Variants in PCDHGB7 observed in about 807,000 individuals in gnomAD.
PCDHGB7 encodes protocadherin gamma-B7.
In PCDHGB7, 37 loss-of-function variants were observed where a neutral mutation model predicts 61.4. The ratio of observed to expected loss-of-function variants is 0.60; its 90% confidence interval spans 0.46 to 0.79. PCDHGB7 has a LOEUF of 0.79. Among genes scored for constraint, PCDHGB7 ranks in the 30% least tolerant of loss-of-function variants. The pLI, the probability that PCDHGB7 is intolerant of heterozygous loss-of-function variation, is 0.00. For synonymous variants in PCDHGB7, 464 were observed against 503.5 expected, an observed-to-expected ratio of 0.92 and a Z score of 1.05; for missense variants, 1,166 against 1,202.5, an observed-to-expected ratio of 0.97 and a Z score of 0.45.
intron 3 of PCDHGB7, 46 bp downstream of exon 3, chr5:141,505,527 T>C: frequency 6.2e-7 from 1 of 1,612,388 alleles, no homozygotes; most frequent in Non-Finnish European, 8.5e-7. Context: ...GACCTGGGGT[T>C]CTGGGGTGCA....
rs1486791355 is a variant in PCDHGB7 at position 141,476,804 on chromosome 5, A to G, written c.2416-18003A>G. Reference sequence around the variant, plus strand: ...CCCAGCTCTCTCCGCCAGCCTGCCTATTCACATCAAGGTGCTGGACGCGAA... The same window carrying G: ...CCCAGCTCTCTCCGCCAGCCTGCCTGTTCACATCAAGGTGCTGGACGCGAA... On this transcript the variant is annotated intron_variant, in intron 1 of 3. Coordinates refer to ENST00000398594, the MANE Select transcript of PCDHGB7 (RefSeq NM_018927.4). The surrounding 1 kb of genome is among the most constrained non-coding windows in gnomAD (Gnocchi z 7.6). 5 of 1,613,476 alleles carry G rather than the reference A, an allele frequency of 3.1e-6. No individual in the cohort carries two copies. Among genetic ancestry groups the G allele is most frequent in the South Asian group, 2.2e-5 (2 of 91,080 alleles).
In PCDHGB7 at chr5:141,417,855, G is replaced by T. The variant is rs1436078486; in HGVS notation, c.-5G>T. The T allele has an allele frequency of 2.6e-6, 4 of 1,544,916 alleles. No individual in the cohort carries two copies. In the Admixed American group the frequency reaches 8.0e-5, roughly 31 times the overall value. ...GCGGGGACCCAGCGAGAACCCGAGC[G>T]AACGATGGGAGGGAGCTGCGCGCAG... On this transcript the variant is annotated 5_prime_UTR_variant, in exon 1 of 4. Transcript: ENST00000398594.
chr5:141,498,578 G>T (rs1404493166), intron 2 of PCDHGB7, among the ~76,000 whole-genome samples: 1 of 152,048 alleles, frequency 6.6e-6, no homozygotes, highest in African/African-American at 2.4e-5. Flanking sequence ...CTAGTATTGA[G>T]TTCTTCAGTA....
intron 1 of PCDHGB7, among the ~76,000 whole-genome samples, chr5:141,425,338 G>A (rs561085111): frequency 6.6e-6 from 1 of 152,290 alleles, no homozygotes; most frequent in African/African-American, 2.4e-5. Flanking sequence ...AAAAGGAAGG[G>A]TTGGCTTTGA....
At position 141,510,842 on chromosome 5, in the gene PCDHGB7, G is replaced by A. The variant is rs531098325; in HGVS notation, c.2564-105G>A. 8.7e-5 allele frequency: 138 copies of A among 1,590,280 alleles called. No homozygotes were observed. The African/African-American group carries it at 1.7e-3, about 19-fold the overall frequency. ...TATTCCCAGTGCTCAGCGTGGTCAA[G>A]GCCCAGGGTGCTGTATAGGCATTCA... On this transcript the variant is annotated intron_variant, in intron 3 of 3. Coordinates refer to ENST00000398594, the MANE Select transcript of PCDHGB7 (RefSeq NM_018927.4).
At chr5:141,499,189 C>T (rs1406015145) in intron 2 of PCDHGB7, among the ~76,000 whole-genome samples, 3 of 152,088 alleles carry the variant, frequency 2.0e-5, no homozygotes, top group African/African-American at 7.2e-5. Flanking sequence ...AAACCATTTC[C>T]CCCTTCTTAG....
intron 2 of PCDHGB7, 47 bp from the exon 3 acceptor site, chr5:141,505,346 C>G: frequency 4.3e-6 from 7 of 1,612,970 alleles, no homozygotes; most frequent in Non-Finnish European, 5.9e-6. Context: ...GGGGCATGAG[C>G]TGTGCCGGCC....
At chr5:141,503,802 G>A (rs2099831646) in intron 2 of PCDHGB7, among the ~76,000 whole-genome samples, 1 of 151,998 alleles carries the variant, frequency 6.6e-6, no homozygotes, top group South Asian at 2.1e-4. Context: ...CTTAGGGACG[G>A]GGAATCCCAG....
intron 3 of PCDHGB7, 43 bp from the exon 4 acceptor site, chr5:141,510,903 GA>G: frequency 6.2e-7 from 1 of 1,613,454 alleles, no homozygotes; most frequent in Non-Finnish European, 8.5e-7. Flanking sequence ...GACTGTTGAG[GA>G]CCCTAAGTTT....
At position 141,491,692 on chromosome 5, in the gene PCDHGB7, C is replaced by A. The variant is rs749349869; in HGVS notation, c.2416-3115C>A. The A allele has an allele frequency of 6.2e-7, 1 of 1,612,592 alleles. No homozygotes were observed. Among genetic ancestry groups the A allele is most frequent in the Non-Finnish European group, 8.5e-7 (1 of 1,179,338 alleles). On this transcript the variant is annotated intron_variant, in intron 1 of 3. Coordinates refer to ENST00000398594, the MANE Select transcript of PCDHGB7 (RefSeq NM_018927.4). This position sits in a 1 kb window ranked among gnomAD's most constrained non-coding sequence, Gnocchi z 6.9. ...GTCCCGCTCTAATACGCTGCGGGAG[C>A]GGAGCCAGGTGAGGGGCTCGGCGCC...
rs1219684339 is a variant in PCDHGB7, at chr5:141,506,444, CAA to C, written c.2563+983_2563+984del. Among the ~76,000 whole-genome samples the C allele has an allele frequency of 5.9e-3, 564 of 95,004 alleles. 2 individuals carry two copies. The highest frequency in any genetic ancestry group is 0.013 in the African/African-American group (317 of 25,186). 62.3% of individuals were successfully genotyped at this position (95,004 alleles called of 152,430 possible). Reference sequence around the variant, plus strand: ...CCTGGGCAACAGTCTCGCTCTGTCTCAAAAAAAAAAAAAAAAAAAAAGAGCAC... The same window carrying C: ...CCTGGGCAACAGTCTCGCTCTGTCTCAAAAAAAAAAAAAAAAAAAGAGCAC... On this transcript the variant is annotated intron_variant, in intron 3 of 3. Transcript: ENST00000398594.
At chr5:141,506,735 G>A (rs1467217136) in intron 3 of PCDHGB7, among the ~76,000 whole-genome samples, 1 of 152,098 alleles carries the variant, frequency 6.6e-6, no homozygotes, top group Non-Finnish European at 1.5e-5. Context: ...TTAGAATAAT[G>A]CCTATTAATA....
At chr5:141,448,216 G>A (rs766377717) in intron 1 of PCDHGB7, among the ~76,000 whole-genome samples, 41 of 152,046 alleles carry the variant, frequency 2.7e-4, no homozygotes, top group African/African-American at 1.7e-4. Context: ...GTGTGTATGC[G>A]AATGTATGTG....
chr5:141,505,597 T>C, intron 3 of PCDHGB7, 116 bp downstream of exon 3: 1 of 1,558,330 alleles, frequency 6.4e-7, no homozygotes, highest in Non-Finnish European at 8.7e-7. Context: ...TCCAGATCTT[T>C]CGGCAGGTCT....
chr5:141,420,826 C>G (rs1246534925), intron 1 of PCDHGB7, among the ~76,000 whole-genome samples: 1 of 152,216 alleles, frequency 6.6e-6, no homozygotes, highest in Non-Finnish European at 1.5e-5. Flanking sequence ...AATAATTACT[C>G]CTTTCGCAGG....
intron 1 of PCDHGB7, among the ~76,000 whole-genome samples, chr5:141,465,343 TG>T (rs1048302340): frequency 1.5e-4 from 23 of 152,118 alleles, no homozygotes; most frequent in African/African-American, 5.3e-4. Flanking sequence ...TATTGGTTAC[TG>T]AAGAAAAAAT....
Position 141,486,656 on chromosome 5 carries a change from C to A in PCDHGB7, c.2416-8151C>A. 6.2e-7 allele frequency: 1 copy of A among 1,614,020 alleles called. No homozygotes were observed. Among genetic ancestry groups the A allele is most frequent in the Non-Finnish European group, 8.5e-7 (1 of 1,180,038 alleles). On this transcript the variant is annotated intron_variant, in intron 1 of 3. Transcript: ENST00000398594. This position sits in a 1 kb window ranked among gnomAD's most constrained non-coding sequence, Gnocchi z 5.0. ...GAATGCGCTTATCTCCTACTCACTCCTGGAGCCCAGGAATCGAGATGTATC... is the reference window on the plus strand; with the variant it reads ...GAATGCGCTTATCTCCTACTCACTCATGGAGCCCAGGAATCGAGATGTATC...
Position 141,432,604 on chromosome 5 carries a change from A to T in PCDHGB7, c.2415+12330A>T, listed in dbSNP as rs774164351. ...GTCTGCTCAAGGCCAGCGAGCCGGG[A>T]CTCTTCTCGGTGGGTCTGCACACGG... On this transcript the variant is annotated intron_variant, in intron 1 of 3. Coordinates refer to ENST00000398594, the MANE Select transcript of PCDHGB7 (RefSeq NM_018927.4). The surrounding 1 kb of genome is among the most constrained non-coding windows in gnomAD (Gnocchi z 6.0). 1.2e-6 allele frequency: 2 copies of T among 1,610,530 alleles called. No homozygotes were observed. The highest frequency in any genetic ancestry group is 1.7e-6 in the Non-Finnish European group (2 of 1,179,274).
chr5:141,482,500 G>T (rs1409735210), intron 1 of PCDHGB7, among the ~76,000 whole-genome samples: 1 of 133,788 alleles, frequency 7.5e-6, no homozygotes, highest in Non-Finnish European at 1.5e-5. Flanking sequence ...TATCATTCTG[G>T]TACCCAGAGT....
Sources: allele counts gnomAD v4.1 joint callset (sites outside exome capture counted in the v4.1 genomes callset), GRCh38; gene constraint gnomAD v4.1.1; non-coding constraint Gnocchi (gnomAD v3.1); transcripts MANE v1.5; gene names NCBI Gene and HGNC (gene_info 2026-07-23, HGNC 2026-07-21).